PARD3B: variants seen among roughly 807,000 people sequenced by gnomAD.
PARD3B encodes partitioning defective 3 homolog B.
Under a neutral mutation model 130.2 loss-of-function variants are expected in PARD3B, and 103 were observed. The ratio of observed to expected loss-of-function variants is 0.79; its 90% CI spans 0.67 to 0.93. The LOEUF is 0.93. Ranked by LOEUF, PARD3B falls within the 40% of genes least tolerant of loss-of-function variation. PARD3B has a pLI of 0.00. For missense variants in PARD3B, 1,609 were observed against 1,499.2 expected, an observed-to-expected ratio of 1.07 and a Z score of -1.21; for synonymous variants, 583 against 553.2, an observed-to-expected ratio of 1.05 and a Z score of -0.76.
rs561622809 is a variant in PARD3B, at chr2:204,572,883, C to T, written c.120+26764C>T. The stretch of plus-strand genomic sequence containing the variant: ...TAATTCTGTCTGATGGTGCACATCA[C>T]TTATAAAGCACCATGTCTCAGAGAG... On this transcript the variant is annotated intron_variant, in intron 1 of 22. Transcript: ENST00000406610. Among the ~76,000 whole-genome samples the T allele has an allele frequency of 3.3e-5, 5 of 152,322 alleles. No homozygotes were observed. In the East Asian group the frequency reaches 7.7e-4, roughly 24 times the overall value.
chr2:205,324,872 A>C (rs778437011), intron 18 of PARD3B, among the ~76,000 whole-genome samples: 1 of 152,156 alleles, frequency 6.6e-6, no homozygotes. Flanking sequence ...TAGGTACCCC[A>C]AAATCAACCT....
chr2:204,927,964 TG>T (rs1444699645), intron 2 of PARD3B, among the ~76,000 whole-genome samples: 10 of 152,192 alleles, frequency 6.6e-5, no homozygotes, highest in African/African-American at 2.4e-4. Context: ...AAAAAGATGC[TG>T]TTTAATAAAT....
At chr2:205,540,860 T>G (rs548507824) in intron 21 of PARD3B, among the ~76,000 whole-genome samples, 1 of 152,310 alleles carries the variant, frequency 6.6e-6, no homozygotes, top group South Asian at 2.1e-4. Context: ...GCTTTTAATT[T>G]TGGCAAAGTT....
chr2:204,824,628 G>C (rs2125552775), intron 2 of PARD3B, among the ~76,000 whole-genome samples: 1 of 152,258 alleles, frequency 6.6e-6, no homozygotes, highest in Non-Finnish European at 1.5e-5. Flanking sequence ...GTGATGAAAA[G>C]GAGGCCAGGG....
Position 205,499,904 on chromosome 2 carries a change from C to T in PARD3B, c.3053C>T (p.Pro1018Leu). Residue 1018 changes from proline to leucine, a missense_variant, in exon 21 of 23, where the codon CCT becomes CTT. Physicochemically the swap from Pro to Leu is moderately conservative, Grantham distance 98 (BLOSUM62 -3). Coordinates refer to ENST00000406610, the MANE Select transcript of PARD3B (RefSeq NM_001302769.2). ...HPLVPADSGR[P>L]TGGSTDRIQK... Reference sequence around the variant, plus strand: ...TTGTCTATATCCTGTAGTGGCCGTCCTACGGGTGGAAGCACTGACCGTATC... The same window carrying T: ...TTGTCTATATCCTGTAGTGGCCGTCTTACGGGTGGAAGCACTGACCGTATC... 6.2e-7 allele frequency: 1 copy of T among 1,613,598 alleles called. No homozygotes were observed. Among genetic ancestry groups the T allele is most frequent in the Non-Finnish European group, 8.5e-7 (1 of 1,179,590 alleles).
chr2:204,739,720 G>A (rs1226959818), intron 2 of PARD3B, among the ~76,000 whole-genome samples: 2 of 152,054 alleles, frequency 1.3e-5, no homozygotes, highest in Middle Eastern at 3.4e-3. Flanking sequence ...CAAACTGCAG[G>A]GATTACAGGT....
At chr2:204,905,285 G>T (rs938720810) in intron 2 of PARD3B, among the ~76,000 whole-genome samples, 1 of 152,186 alleles carries the variant, frequency 6.6e-6, no homozygotes, top group African/African-American at 2.4e-5. Flanking sequence ...TTACCAAACT[G>T]TGTAGCAGAA....
At chr2:204,792,217 A>C (rs1393393958) in intron 2 of PARD3B, among the ~76,000 whole-genome samples, 2 of 152,158 alleles carry the variant, frequency 1.3e-5, no homozygotes, top group African/African-American at 4.8e-5. Context: ...CATTTATTAG[A>C]CTTTTGATTG....
Position 205,470,421 on chromosome 2 carries a change from A to T in PARD3B, c.3045-29475A>T, listed in dbSNP as rs948814256. On this transcript the variant is annotated intron_variant, in intron 20 of 22. Transcript: ENST00000406610. The surrounding 1 kb of genome is among the most constrained non-coding windows in gnomAD (Gnocchi z 4.8). ...TCTTTGTTAACCACAGTGCCCATGT[A>T]TCCACTGTCAGATGACTCCCTCTGC... Among the ~76,000 whole-genome samples the T allele has an allele frequency of 6.6e-6, 1 of 152,160 alleles. No homozygotes were observed. Among genetic ancestry groups the T allele is most frequent in the East Asian group, 1.9e-4 (1 of 5,184 alleles).
At chr2:205,479,659 C>G (rs920210770) in intron 20 of PARD3B, among the ~76,000 whole-genome samples, 5 of 152,226 alleles carry the variant, frequency 3.3e-5, no homozygotes, top group African/African-American at 1.2e-4. Flanking sequence ...ACCTGCCTTT[C>G]TGCAACAACC....
chr2:205,246,696 T>C (rs1478285429), intron 16 of PARD3B, among the ~76,000 whole-genome samples: 2 of 152,192 alleles, frequency 1.3e-5, no homozygotes, highest in Non-Finnish European at 2.9e-5. Context: ...GCCAATTATG[T>C]TTTCAGCAGT....
chr2:205,450,771 C>T (rs1255926065), intron 20 of PARD3B, among the ~76,000 whole-genome samples: 2 of 152,164 alleles, frequency 1.3e-5, no homozygotes, highest in African/African-American at 2.4e-5. Context: ...CCACTGCACC[C>T]AGCCCAACAG....
In PARD3B at chr2:204,943,200, A is replaced by T. The variant is rs927266696; in HGVS notation, c.223-21952A>T. Among the ~76,000 whole-genome samples the T allele has an allele frequency of 6.6e-6, 1 of 151,940 alleles. No homozygotes were observed. Among genetic ancestry groups the T allele is most frequent in the African/African-American group, 2.4e-5 (1 of 41,366 alleles). ...TGCATATATATATATGTGTGTGTAT[A>T]TATATATAATATGTTAATTTTCATA... On this transcript the variant is annotated intron_variant, in intron 2 of 22. Coordinates refer to ENST00000406610, the MANE Select transcript of PARD3B (RefSeq NM_001302769.2). This position sits in a 1 kb window ranked among gnomAD's most constrained non-coding sequence, Gnocchi z 4.2.
At chr2:204,686,059 T>G in intron 1 of PARD3B, 122 bp from the exon 2 acceptor site, 1 of 652,390 alleles carries the variant, frequency 1.5e-6, no homozygotes, top group Non-Finnish European at 2.7e-6. Flanking sequence ...TTGTTTTCAG[T>G]GTTTAAAAAT....
chr2:205,407,183 TTG>T lies in PARD3B; in HGVS notation c.2741+6065_2741+6066del, dbSNP rs1244460582. Among the ~76,000 whole-genome samples the T allele has an allele frequency of 4.6e-5, 7 of 152,188 alleles. No homozygotes were observed. The highest frequency in any genetic ancestry group is 7.3e-5 in the Non-Finnish European group (5 of 68,028). ...ATAAGCCCAAGTTTCTTGCTCAAGATTGTGTGGTAGGATTTTCTTAATCTCAA... is the reference window on the plus strand; with the variant it reads ...ATAAGCCCAAGTTTCTTGCTCAAGATTGTGGTAGGATTTTCTTAATCTCAA... On this transcript the variant is annotated intron_variant, in intron 19 of 22. Coordinates refer to ENST00000406610, the MANE Select transcript of PARD3B (RefSeq NM_001302769.2). The surrounding 1 kb of genome is among the most constrained non-coding windows in gnomAD (Gnocchi z 4.1).
At chr2:204,971,388 A>G (rs936681019) in intron 3 of PARD3B, among the ~76,000 whole-genome samples, 3 of 152,190 alleles carry the variant, frequency 2.0e-5, no homozygotes, top group East Asian at 1.9e-4. Context: ...AATTCTGACT[A>G]CAAAGCATAT....
Position 205,253,768 on chromosome 2 carries a change from TGA to T in PARD3B, c.2185+7949_2185+7950del, listed in dbSNP as rs2039956025. ...TTCCATATGAGCAAAGTGCAGAAAG[TGA>T]GAAAAAAGGACCAAGTTGGATCTCC... is the stretch of plus-strand genomic sequence containing the variant. On this transcript the variant is annotated intron_variant, in intron 16 of 22. Coordinates refer to ENST00000406610, the MANE Select transcript of PARD3B (RefSeq NM_001302769.2). This position sits in a 1 kb window ranked among gnomAD's most constrained non-coding sequence, Gnocchi z 4.4. Among the ~76,000 whole-genome samples, 1 of 151,626 alleles carries T rather than the reference TGA, an allele frequency of 6.6e-6. No individual in the cohort carries two copies. Among genetic ancestry groups the T allele is most frequent in the Admixed American group, 6.6e-5 (1 of 15,246 alleles).
intron 21 of PARD3B, among the ~76,000 whole-genome samples, chr2:205,520,043 C>G (rs2050969442): frequency 6.6e-6 from 1 of 152,098 alleles, no homozygotes; most frequent in Admixed American, 6.5e-5. Flanking sequence ...AATGGCTTGG[C>G]ACTCCTGGAC....
rs756380107 is a variant in PARD3B at position 205,124,371 on chromosome 2, A to G, written c.1210A>G (p.Ile404Val). 6.2e-6 allele frequency: 10 copies of G among 1,600,410 alleles called. No individual in the cohort carries two copies. Among genetic ancestry groups the G allele is most frequent in the East Asian group, 2.3e-5 (1 of 44,268 alleles). ...GFTVVTRDSS[I>V]HGPGPIFVKN... ...CACTGTGGTTACCAGAGACTCTTCCATACATGGTCCCGGTCCCATTTTTGT... is the reference window on the plus strand; with the variant it reads ...CACTGTGGTTACCAGAGACTCTTCCGTACATGGTCCCGGTCCCATTTTTGT... Residue 404 changes from isoleucine (I) to valine (V), a missense_variant, in exon 9 of 23, where the codon ATA becomes GTA. Physicochemically the swap from Ile to Val is conservative, Grantham distance 29. Coordinates refer to ENST00000406610, the MANE Select transcript of PARD3B (RefSeq NM_001302769.2).
Sources: allele counts gnomAD v4.1 joint callset (sites outside exome capture counted in the v4.1 genomes callset), GRCh38; gene constraint gnomAD v4.1.1; non-coding constraint Gnocchi (gnomAD v3.1); transcripts MANE v1.5; gene names NCBI Gene and HGNC (gene_info 2026-07-23, HGNC 2026-07-21).